Variants in FNIP2 observed in about 807,000 individuals in gnomAD.
FNIP2 encodes the protein folliculin interacting protein 2, also known as folliculin-interacting protein 2.
FNIP2 carries 32 observed loss-of-function variants against 108.7 expected under a neutral mutation model. That is an observed-to-expected ratio of 0.29 (90% CI 0.22 to 0.40). The LOEUF is 0.40. FNIP2 is among the 10% of genes least tolerant of loss of function. The probability of loss-of-function intolerance (pLI) is 1.00; values close to 1 mark genes in which losing one functional copy is unlikely to be tolerated. For synonymous variants in FNIP2, 480 were observed against 496.7 expected (o/e 0.97, Z 0.45); for missense variants, 1,202 against 1,381.6 (o/e 0.87, Z 2.06).
chr4:158,783,221 C>T (rs1776110648), intron 1 of FNIP2, among the ~76,000 whole-genome samples: 1 of 152,182 alleles, frequency 6.6e-6, no homozygotes, highest in South Asian at 2.1e-4. Context: ...TCAAGATTAG[C>T]AATTGATGGT....
intron 12 of FNIP2, among the ~76,000 whole-genome samples, chr4:158,867,399 G>T (rs530514824): frequency 9.9e-5 from 15 of 152,206 alleles, no homozygotes; most frequent in Admixed American, 1.3e-4. Flanking sequence ...TGCCATGTTG[G>T]CCAGGCTGCT....
chr4:158,806,371 A>G, intron 1 of FNIP2: 1 of 1,289,432 alleles, frequency 7.8e-7, no homozygotes, highest in Non-Finnish European at 1.0e-6. Context: ...CACAAAGATT[A>G]AAAAACACAC....
intron 6 of FNIP2, chr4:158,834,219 A>G (rs1438391761): frequency 6.4e-6 from 1 of 156,894 alleles, no homozygotes; most frequent in Non-Finnish European, 1.4e-5. Flanking sequence ...TCTTTTATCC[A>G]TTTATTCAAC....
At chr4:158,774,293 T>C (rs980068117) in intron 1 of FNIP2, among the ~76,000 whole-genome samples, 2 of 152,188 alleles carry the variant, frequency 1.3e-5, no homozygotes, top group Non-Finnish European at 2.9e-5. Context: ...ATTTTTTGTG[T>C]TTTATTCTTG....
intron 1 of FNIP2, among the ~76,000 whole-genome samples, chr4:158,787,317 GTTTTC>G (rs994325355): frequency 6.6e-6 from 1 of 152,208 alleles, no homozygotes; most frequent in African/African-American, 2.4e-5. Flanking sequence ...TTTTCCCATA[GTTTTC>G]TTTTCTAAAA....
At chr4:158,884,184 T>C (rs139151763) in intron 14 of FNIP2, among the ~76,000 whole-genome samples, 50 of 152,134 alleles carry the variant, frequency 3.3e-4, no homozygotes, top group African/African-American at 1.1e-3. Context: ...GCATTGGAGG[T>C]ATAATATTGC....
chr4:158,824,595 T>G (rs1778053936), intron 1 of FNIP2, among the ~76,000 whole-genome samples: 1 of 152,140 alleles, frequency 6.6e-6, no homozygotes, highest in African/African-American at 2.4e-5. Flanking sequence ...TTATTATGAA[T>G]TCTGTTTGGC....
At chr4:158,870,240 C>T in intron 13 of FNIP2, 73 bp from the exon 14 acceptor site, 2 of 1,509,260 alleles carry the variant, frequency 1.3e-6, no homozygotes, top group Non-Finnish European at 1.8e-6. Context: ...CATTGGAGTG[C>T]TTGTACCAAT....
chr4:158,838,113 A>T (rs1778911225), intron 7 of FNIP2, among the ~76,000 whole-genome samples: 1 of 152,070 alleles, frequency 6.6e-6, no homozygotes, highest in African/African-American at 2.4e-5. Flanking sequence ...TTGTGTAGGG[A>T]TGAAGGCCCA....
chr4:158,795,407 C>T (rs1776553846), intron 1 of FNIP2, among the ~76,000 whole-genome samples: 1 of 152,230 alleles, frequency 6.6e-6, no homozygotes. Context: ...GGTCCATGTC[C>T]TCGAAGTTCA....
intron 16 of FNIP2, among the ~76,000 whole-genome samples, chr4:158,898,634 C>CTGTT (rs1371762753): frequency 6.6e-6 from 1 of 151,908 alleles, no homozygotes. Flanking sequence ...ATTTGGCTCT[C>CTGTT]TGTCTGTTAT....
rs1326998682 is a variant in FNIP2 at position 158,772,830 on chromosome 4, G to T, written c.107+3511G>T. 2.0e-5 allele frequency among the ~76,000 whole-genome samples: 3 copies of T among 152,176 alleles called. No individual in the cohort carries two copies. The East Asian group carries it at 5.8e-4, about 29-fold the overall frequency. On this transcript the variant is annotated intron_variant, in intron 1 of 16. Coordinates refer to ENST00000264433, the MANE Select transcript of FNIP2 (RefSeq NM_020840.3). ...GGAGTTTACAATCTAAAGGACAACAGATTATACACTAAGATGAATAAAGAG... is the reference window on the plus strand; with the variant it reads ...GGAGTTTACAATCTAAAGGACAACATATTATACACTAAGATGAATAAAGAG...
chr4:158,776,898 G>A (rs1406361377), intron 1 of FNIP2, among the ~76,000 whole-genome samples: 4 of 152,130 alleles, frequency 2.6e-5, no homozygotes, highest in East Asian at 1.9e-4. Context: ...TCTAGCATGC[G>A]TTGTGACATT....
At chr4:158,854,165 T>G (rs1188093156) in intron 8 of FNIP2, among the ~76,000 whole-genome samples, 1 of 152,254 alleles carries the variant, frequency 6.6e-6, no homozygotes, top group Admixed American at 6.5e-5. Context: ...TGATATTCTT[T>G]ATTGCAATGT....
chr4:158,870,343 G>A lies in FNIP2; in HGVS notation c.2823G>A (p.Arg941=). Residue 941 remains arginine (R), a synonymous_variant, in exon 14 of 17, where the codon AGG becomes AGA. Coordinates refer to ENST00000264433, the MANE Select transcript of FNIP2 (RefSeq NM_020840.3). Reference sequence around the variant, plus strand: ...AGAGCATCAGCACCCAGAATGTAAGGAACTTTGGCCGCTCACTTCTGGCGG... The same window carrying A: ...AGAGCATCAGCACCCAGAATGTAAGAAACTTTGGCCGCTCACTTCTGGCGG... ...RSQSISTQNV[R]NFGRSLLAGY... 3 of 1,613,976 alleles carry A rather than the reference G, an allele frequency of 1.9e-6. No individual in the cohort carries two copies. The highest frequency in any genetic ancestry group is 2.5e-6 in the Non-Finnish European group (3 of 1,179,836).
intron 1 of FNIP2, among the ~76,000 whole-genome samples, chr4:158,800,350 AC>A (rs1364309931): frequency 6.6e-6 from 1 of 152,234 alleles, no homozygotes; most frequent in African/African-American, 2.4e-5. Context: ...GGTAATGGCT[AC>A]GGCTATATAC....
intron 7 of FNIP2, among the ~76,000 whole-genome samples, chr4:158,844,811 A>AT (rs1779310961): frequency 6.6e-6 from 1 of 152,162 alleles, no homozygotes; most frequent in Admixed American, 6.5e-5. Flanking sequence ...AGTAGCAAAA[A>AT]TTTTTTTTCA....
intron 14 of FNIP2, among the ~76,000 whole-genome samples, chr4:158,874,188 T>C (rs1781122711): frequency 6.6e-6 from 1 of 152,198 alleles, no homozygotes; most frequent in Non-Finnish European, 1.5e-5. Flanking sequence ...ATTCAGTGGT[T>C]AGGAAGTTAA....
chr4:158,900,059 T>C (rs919674044), intron 16 of FNIP2, among the ~76,000 whole-genome samples: 4 of 152,240 alleles, frequency 2.6e-5, no homozygotes, highest in Non-Finnish European at 4.4e-5. Context: ...ATTGTTCTCA[T>C]TGGTTTCAAA....
Sources: gnomAD v4.1 joint callset for allele counts (sites outside exome capture counted in the v4.1 genomes callset) on GRCh38, gnomAD v4.1.1 for gene constraint, MANE v1.5 for transcripts, NCBI Gene and HGNC (gene_info 2026-07-23, HGNC 2026-07-21) for gene names.